TMTC2: variants seen among roughly 807,000 people sequenced by gnomAD.
The protein encoded by TMTC2 is protein O-mannosyl-transferase TMTC2.
In TMTC2, 43 loss-of-function variants were observed where a neutral mutation model predicts 82.4. The observed-to-expected ratio is 0.52, with a 90% CI of 0.41 to 0.67. TMTC2 has a LOEUF of 0.67. Ranked by LOEUF, TMTC2 falls within the 30% of genes least tolerant of loss-of-function variation. The pLI is 0.00. For synonymous variants in TMTC2, 408 were observed against 381.9 expected (o/e 1.07, Z -0.80); for missense variants, 919 against 1,012.4 (o/e 0.91, Z 1.25).
intron 1 of TMTC2, among the ~76,000 whole-genome samples, chr12:82,753,854 G>A (rs970102810): frequency 6.6e-6 from 1 of 152,186 alleles, no homozygotes; most frequent in Non-Finnish European, 1.5e-5. Context: ...AGTGGTTGAG[G>A]AAATACAGGT....
At position 82,943,355 on chromosome 12, in the gene TMTC2, A is replaced by G. The variant is rs78991461; in HGVS notation, c.1598+12810A>G. ...TTGGCTGCAGCTCCTCCTTTCCTGGAAAGTGCTGAGACAATTGCTATTGGC... is the reference window on the plus strand; with the variant it reads ...TTGGCTGCAGCTCCTCCTTTCCTGGGAAGTGCTGAGACAATTGCTATTGGC... On this transcript the variant is annotated intron_variant, in intron 4 of 11. Transcript: ENST00000321196. Among the ~76,000 whole-genome samples the G allele has an allele frequency of 9.0e-3, 1,374 of 152,256 alleles. 30 individuals are homozygous for G. Among genetic ancestry groups the G allele is most frequent in the African/African-American group, 0.032 (1,310 of 41,536 alleles).
At chr12:82,824,981 T>A (rs185995381) in intron 1 of TMTC2, among the ~76,000 whole-genome samples, 72 of 151,808 alleles carry the variant, frequency 4.7e-4, no homozygotes, top group African/African-American at 1.6e-3. Flanking sequence ...CCCAGCTACT[T>A]GGGAGCCTGA....
intron 1 of TMTC2, among the ~76,000 whole-genome samples, chr12:82,816,538 G>A (rs1451080338): frequency 6.6e-6 from 1 of 152,008 alleles, no homozygotes; most frequent in Non-Finnish European, 1.5e-5. Context: ...TTGAGACGTA[G>A]CATGAGTTTG....
intron 1 of TMTC2, among the ~76,000 whole-genome samples, chr12:82,799,727 C>T (rs1215507512): frequency 6.6e-6 from 1 of 152,104 alleles, no homozygotes; most frequent in African/African-American, 2.4e-5. Context: ...GTGTCTGTGT[C>T]CACATTTCCC....
intron 11 of TMTC2, among the ~76,000 whole-genome samples, chr12:83,094,044 A>G (rs757457555): frequency 7.2e-4 from 110 of 152,214 alleles, no homozygotes; most frequent in Non-Finnish European, 1.4e-3. Flanking sequence ...GCCAGGCACC[A>G]TTCAGGGAAA....
At chr12:82,706,930 A>G (rs776025904) in intron 1 of TMTC2, among the ~76,000 whole-genome samples, 1 of 152,204 alleles carries the variant, frequency 6.6e-6, no homozygotes, top group Non-Finnish European at 1.5e-5. Flanking sequence ...TGTTGTGTGG[A>G]TGCTTCAGAG....
At chr12:83,082,613 A>G (rs891981193) in intron 11 of TMTC2, among the ~76,000 whole-genome samples, 5 of 152,232 alleles carry the variant, frequency 3.3e-5, no homozygotes, top group African/African-American at 1.2e-4. Flanking sequence ...TCTCAAAAGT[A>G]TAAATCTTAA....
At chr12:82,978,400 A>C (rs1878772782) in intron 7 of TMTC2, among the ~76,000 whole-genome samples, 1 of 151,766 alleles carries the variant, frequency 6.6e-6, no homozygotes, top group African/African-American at 2.4e-5. Context: ...TTTCTAAAAC[A>C]TACAGCTATT....
intron 11 of TMTC2, among the ~76,000 whole-genome samples, chr12:83,101,746 T>C (rs1213578797): frequency 6.6e-6 from 1 of 152,152 alleles, no homozygotes; most frequent in Non-Finnish European, 1.5e-5. Flanking sequence ...TCTGGATCAA[T>C]ATGGGGATCA....
At chr12:82,973,125 G>A (rs778490141) in intron 7 of TMTC2, among the ~76,000 whole-genome samples, 4 of 152,120 alleles carry the variant, frequency 2.6e-5, no homozygotes, top group African/African-American at 9.7e-5. Context: ...CACTCCAGTA[G>A]CGTTAAGCTT....
intron 3 of TMTC2, among the ~76,000 whole-genome samples, chr12:82,926,366 ACT>A (rs1412309616): frequency 3.3e-5 from 5 of 152,156 alleles, no homozygotes; most frequent in African/African-American, 9.7e-5. Flanking sequence ...AAGTTCCTTA[ACT>A]CTCTTCAATT....
intron 11 of TMTC2, among the ~76,000 whole-genome samples, chr12:83,071,154 T>G (rs947712878): frequency 3.5e-5 from 4 of 115,070 alleles, no homozygotes; most frequent in Admixed American, 8.2e-5. Flanking sequence ...TAGTTGTTTT[T>G]TTTTTTGTTT....
intron 11 of TMTC2, among the ~76,000 whole-genome samples, chr12:83,122,452 A>G (rs530804045): frequency 1.3e-5 from 2 of 152,164 alleles, no homozygotes; most frequent in Admixed American, 6.5e-5. Flanking sequence ...GAGGCCAGGC[A>G]GAGATGGCTT....
At position 83,104,644 on chromosome 12, in the gene TMTC2, T is replaced by C. The variant is rs1592748653; in HGVS notation, c.2332-27566T>C. Among the ~76,000 whole-genome samples, 4 of 152,282 alleles carry C rather than the reference T, an allele frequency of 2.6e-5. 1 individual carries two copies. The South Asian group carries it at 8.3e-4, about 32-fold the overall frequency. Reference sequence around the variant, plus strand: ...AGGGCAATGGAGTCCTGGGCAAGGCTCTTGAACCCAGTCTTTCTTCCTAGA... The same window carrying C: ...AGGGCAATGGAGTCCTGGGCAAGGCCCTTGAACCCAGTCTTTCTTCCTAGA... On this transcript the variant is annotated intron_variant, in intron 11 of 11. Coordinates refer to ENST00000321196, the MANE Select transcript of TMTC2 (RefSeq NM_152588.3).
intron 1 of TMTC2, among the ~76,000 whole-genome samples, chr12:82,839,013 G>A (rs906609555): frequency 2.0e-5 from 3 of 152,100 alleles, no homozygotes; most frequent in African/African-American, 7.2e-5. Flanking sequence ...AGGTGATTCT[G>A]TTACTGAGGC....
At chr12:82,811,957 A>G (rs1868419061) in intron 1 of TMTC2, among the ~76,000 whole-genome samples, 1 of 151,660 alleles carries the variant, frequency 6.6e-6, no homozygotes, top group Non-Finnish European at 1.5e-5. Context: ...AGCTGGGATT[A>G]TAGGCACCTG....
At chr12:82,913,724 T>C (rs1206433097) in intron 3 of TMTC2, among the ~76,000 whole-genome samples, 2 of 152,214 alleles carry the variant, frequency 1.3e-5, no homozygotes, top group African/African-American at 4.8e-5. Context: ...TCAAGACTTT[T>C]ATATGTATAA....
chr12:83,023,296 A>T (rs66855181), intron 8 of TMTC2, among the ~76,000 whole-genome samples: 28,233 of 152,144 alleles, frequency 0.19, 2,684 homozygotes, highest in Middle Eastern at 0.25. Context: ...AGAAATTCTG[A>T]CCATTATTTT....
chr12:82,941,613 G>A (rs1053899329), intron 4 of TMTC2, among the ~76,000 whole-genome samples: 1 of 152,088 alleles, frequency 6.6e-6, no homozygotes, highest in African/African-American at 2.4e-5. Context: ...GATTCTGAAT[G>A]TTGATTGATT....
Sources: gnomAD v4.1 joint callset for allele counts (sites outside exome capture counted in the v4.1 genomes callset) on GRCh38, gnomAD v4.1.1 for gene constraint, MANE v1.5 for transcripts, NCBI Gene and HGNC (gene_info 2026-07-23, HGNC 2026-07-21) for gene names.